Variants in FNBP1L observed in about 807,000 individuals in gnomAD.
FNBP1L encodes the protein formin binding protein 1 like.
In FNBP1L, 36 loss-of-function variants were observed where a neutral mutation model predicts 91.2. The ratio of observed to expected loss-of-function variants is 0.39; its 90% CI spans 0.30 to 0.52. The LOEUF (loss-of-function observed/expected upper bound fraction) is 0.52. Among genes scored for constraint, FNBP1L ranks in the 20% least tolerant of loss-of-function variants. The probability of loss-of-function intolerance (pLI) is 0.66; values close to 1 mark genes in which losing one functional copy is unlikely to be tolerated. For synonymous variants in FNBP1L, 242 were observed against 237.0 expected, an observed-to-expected ratio of 1.02 and a Z score of -0.19; for missense variants, 571 against 732.1, an observed-to-expected ratio of 0.78 and a Z score of 2.54.
At chr1:93,511,315 A>G (rs527948129) in intron 2 of FNBP1L, among the ~76,000 whole-genome samples, 21 of 152,322 alleles carry the variant, frequency 1.4e-4, no homozygotes, top group Middle Eastern at 3.4e-3. Flanking sequence ...ATTCTTAAAG[A>G]AAAGAATTTT....
chr1:93,473,926 C>CTTTA (rs1004674911), intron 1 of FNBP1L, among the ~76,000 whole-genome samples: 12 of 152,172 alleles, frequency 7.9e-5, no homozygotes, highest in African/African-American at 2.2e-4. Flanking sequence ...GATCTATGGC[C>CTTTA]TTTAGTAGGG....
intron 2 of FNBP1L, among the ~76,000 whole-genome samples, chr1:93,503,753 C>T (rs1257569516): frequency 6.6e-6 from 1 of 152,172 alleles, no homozygotes; most frequent in South Asian, 2.1e-4. Context: ...AGATATGCAA[C>T]TGAAATCAGT....
intron 12 of FNBP1L, among the ~76,000 whole-genome samples, chr1:93,545,926 TTTTG>T (rs1387922706): frequency 2.6e-5 from 4 of 152,008 alleles, no homozygotes; most frequent in African/African-American, 7.2e-5. Context: ...AAGATAAAGA[TTTTG>T]TTTATGTTGA....
chr1:93,461,065 C>T (rs895429826), intron 1 of FNBP1L, among the ~76,000 whole-genome samples: 1 of 151,964 alleles, frequency 6.6e-6, no homozygotes, highest in Non-Finnish European at 1.5e-5. Context: ...ATGTTAGAGG[C>T]TTTCCTCAAG....
chr1:93,495,201 A>G (rs190132228), intron 1 of FNBP1L, among the ~76,000 whole-genome samples: 2 of 152,356 alleles, frequency 1.3e-5, no homozygotes, highest in Non-Finnish European at 2.9e-5. Context: ...GAGATTTCAC[A>G]TGGAAAGTTT....
chr1:93,450,105 C>G (rs1430695248), intron 1 of FNBP1L, among the ~76,000 whole-genome samples: 1 of 151,934 alleles, frequency 6.6e-6, no homozygotes, highest in African/African-American at 2.4e-5. Context: ...CACTTTGTAT[C>G]ACACTAAAGA....
At chr1:93,535,268 A>G (rs1671806967) in intron 9 of FNBP1L, among the ~76,000 whole-genome samples, 1 of 152,170 alleles carries the variant, frequency 6.6e-6, no homozygotes, top group African/African-American at 2.4e-5. Flanking sequence ...GACCACAGCC[A>G]TAATACATGT....
chr1:93,507,773 C>T (rs1354512576), intron 2 of FNBP1L, among the ~76,000 whole-genome samples: 1 of 152,016 alleles, frequency 6.6e-6, no homozygotes, highest in Non-Finnish European at 1.5e-5. Flanking sequence ...CTCAGCCTCC[C>T]TAGTAGCGGG....
intron 1 of FNBP1L, among the ~76,000 whole-genome samples, chr1:93,466,176 C>G (rs1161607531): frequency 6.6e-6 from 1 of 151,944 alleles, no homozygotes; most frequent in African/African-American, 2.4e-5. Context: ...ATTGTAGTTT[C>G]TTTTGCCATG....
intron 2 of FNBP1L, among the ~76,000 whole-genome samples, chr1:93,513,732 A>T (rs974200887): frequency 1.3e-5 from 2 of 152,258 alleles, no homozygotes; most frequent in African/African-American, 4.8e-5. Flanking sequence ...CTTCATGCTA[A>T]AAACTCTCAA....
intron 1 of FNBP1L, among the ~76,000 whole-genome samples, chr1:93,457,577 C>T (rs1668712094): frequency 6.6e-6 from 1 of 152,016 alleles, no homozygotes; most frequent in Admixed American, 6.6e-5. Flanking sequence ...GCAAGAGTAG[C>T]TTATGTGCTC....
At chr1:93,547,280 G>A (rs572199613) in intron 13 of FNBP1L, 67 bp from the exon 14 acceptor site, 1 of 1,232,074 alleles carries the variant, frequency 8.1e-7, no homozygotes, top group African/African-American at 1.5e-5. Context: ...CATTTTAAAT[G>A]TAGATATCTT....
chr1:93,529,444 T>C (rs1671602246), intron 5 of FNBP1L, among the ~76,000 whole-genome samples: 1 of 152,132 alleles, frequency 6.6e-6, no homozygotes, highest in Admixed American at 6.5e-5. Context: ...TTTTCTCTCT[T>C]TTTAAAATTA....
intron 1 of FNBP1L, among the ~76,000 whole-genome samples, chr1:93,460,522 A>G (rs1043296535): frequency 2.0e-5 from 3 of 152,252 alleles, no homozygotes; most frequent in African/African-American, 7.2e-5. Flanking sequence ...CTGTTTTCAC[A>G]GTGGAATACT....
chr1:93,551,440 A>G (rs1024499011), intron 16 of FNBP1L: 9 of 1,003,712 alleles, frequency 9.0e-6, no homozygotes, highest in Non-Finnish European at 3.6e-6. Flanking sequence ...ATTCATGGAT[A>G]GTAATGCTCT....
At chr1:93,490,646 A>G (rs1670062382) in intron 1 of FNBP1L, among the ~76,000 whole-genome samples, 1 of 152,256 alleles carries the variant, frequency 6.6e-6, no homozygotes, top group Non-Finnish European at 1.5e-5. Context: ...TCTATCTGGA[A>G]TAAATCCATA....
At chr1:93,523,269 G>A (rs1671390109) in intron 3 of FNBP1L, 75 bp from the exon 4 acceptor site, 2 of 1,405,390 alleles carry the variant, frequency 1.4e-6, no homozygotes, top group African/African-American at 2.9e-5. Flanking sequence ...CGAAATGTTA[G>A]ATTCAGTCCA....
At chr1:93,466,433 T>C (rs928584148) in intron 1 of FNBP1L, among the ~76,000 whole-genome samples, 1 of 152,210 alleles carries the variant, frequency 6.6e-6, no homozygotes, top group Non-Finnish European at 1.5e-5. Context: ...TAGCCAGTTT[T>C]CCCAGCACCG....
intron 1 of FNBP1L, among the ~76,000 whole-genome samples, chr1:93,489,431 G>C (rs1670024718): frequency 6.6e-6 from 1 of 152,102 alleles, no homozygotes; most frequent in Non-Finnish European, 1.5e-5. Context: ...TTATTGCAGG[G>C]AAGTGGAGTG....
Sources: gnomAD v4.1 joint callset for allele counts (sites outside exome capture counted in the v4.1 genomes callset) on GRCh38, gnomAD v4.1.1 for gene constraint, MANE v1.5 for transcripts, NCBI Gene and HGNC (gene_info 2026-07-23, HGNC 2026-07-21) for gene names.